The following NAV2 variants were observed in gnomAD, a reference collection of about 807,000 sequenced individuals.
The protein encoded by NAV2 is helicase, APC down-regulated 1.
Under a neutral mutation model 223.2 loss-of-function variants are expected in NAV2, and 54 were observed. That is an observed-to-expected ratio of 0.24 (90% CI 0.19 to 0.30). NAV2 has a LOEUF of 0.30. Ranked by LOEUF, NAV2 falls within the 10% of genes least tolerant of loss-of-function variation. The pLI is 1.00. For synonymous variants in NAV2, 1,279 were observed against 1,239.3 expected (o/e 1.03, Z -0.67); for missense variants, 2,806 against 3,147.5 (o/e 0.89, Z 2.60).
In NAV2 at chr11:19,981,725, G is replaced by T. The variant is rs571635503; in HGVS notation, c.2646-2400G>T. ...GCCTCTGGCAAAGTTATGGCATTTTGGTGTAGGTGTTTTTTCCTCCTTGTG... is the reference window on the plus strand; with the variant it reads ...GCCTCTGGCAAAGTTATGGCATTTTTGTGTAGGTGTTTTTTCCTCCTTGTG... On this transcript the variant is annotated intron_variant, in intron 10 of 37. Transcript: ENST00000349880. Among the ~76,000 whole-genome samples the T allele has an allele frequency of 8.1e-4, 124 of 152,260 alleles. 1 individual carries two copies. Among genetic ancestry groups the T allele is most frequent in the Admixed American group, 1.0e-3 (16 of 15,274 alleles).
intron 1 of NAV2, among the ~76,000 whole-genome samples, chr11:19,373,463 C>A (rs866500488): frequency 6.6e-6 from 1 of 152,174 alleles, no homozygotes; most frequent in Non-Finnish European, 1.5e-5. Flanking sequence ...TTTGCACCTG[C>A]TTTTCTCTCT....
chr11:19,777,912 A>G, intron 1 of NAV2: 1 of 455,596 alleles, frequency 2.2e-6, no homozygotes, highest in Non-Finnish European at 4.4e-6. Context: ...GTGTCTTGAT[A>G]CTTTGGGGTG....
chr11:19,974,700 G>A (rs559240364), intron 10 of NAV2, among the ~76,000 whole-genome samples: 1 of 152,168 alleles, frequency 6.6e-6, no homozygotes, highest in African/African-American at 2.4e-5. Flanking sequence ...GATCCCTTGA[G>A]CCCAGGAGTT....
chr11:19,467,166 T>C (rs189714882), intron 1 of NAV2, among the ~76,000 whole-genome samples: 1 of 152,222 alleles, frequency 6.6e-6, no homozygotes, highest in Non-Finnish European at 1.5e-5. Context: ...CTTTCCCCTA[T>C]GATGTTACAT....
chr11:19,946,383 T>A lies in NAV2; in HGVS notation c.2147-18T>A. The A allele has an allele frequency of 6.2e-7, 1 of 1,607,826 alleles. No individual in the cohort carries two copies. The highest frequency in any genetic ancestry group is 8.5e-7 in the Non-Finnish European group (1 of 1,177,280). On this transcript the variant is annotated intron_variant, in intron 8 of 37. Coordinates refer to ENST00000349880, the MANE Select transcript of NAV2 (RefSeq NM_145117.5). ...GTTGGTCAGAGAATTAAACTAGTCTTAACCCTCATCTTTCTAGGGGAAGAT... is the reference window on the plus strand; with the variant it reads ...GTTGGTCAGAGAATTAAACTAGTCTAAACCCTCATCTTTCTAGGGGAAGAT...
intron 1 of NAV2, among the ~76,000 whole-genome samples, chr11:19,567,251 G>C (rs973901609): frequency 1.3e-5 from 2 of 152,150 alleles, no homozygotes; most frequent in East Asian, 3.9e-4. Context: ...AGAAAGAAAG[G>C]CTGGCCAGTG....
At chr11:19,363,916 C>T (rs903502962) in intron 1 of NAV2, among the ~76,000 whole-genome samples, 1 of 152,216 alleles carries the variant, frequency 6.6e-6, no homozygotes, top group Non-Finnish European at 1.5e-5. Flanking sequence ...GGGCATTGAG[C>T]TTCCAGGCCT....
chr11:19,772,561 G>A (rs907912846), intron 1 of NAV2, among the ~76,000 whole-genome samples: 8 of 152,176 alleles, frequency 5.3e-5, no homozygotes, highest in Non-Finnish European at 7.3e-5. Flanking sequence ...GCTCTTCTGT[G>A]GTATTTTTAT....
chr11:19,725,501 C>T lies in NAV2; in HGVS notation c.267+11539C>T, dbSNP rs551417617. Among the ~76,000 whole-genome samples the T allele has an allele frequency of 1.7e-3, 262 of 152,286 alleles. No homozygotes were observed. The Middle Eastern group carries it at 0.024, about 14-fold the overall frequency. ...GGGGCCTTGGTCTTTCAAAAGTATT[C>T]CCTCTCTAATGGAGAAGGACACGAT... On this transcript the variant is annotated intron_variant, in intron 1 of 37. Transcript: ENST00000349880.
At position 19,393,128 on chromosome 11, in the gene NAV2, C is replaced by T. The variant is rs192570915; in HGVS notation, c.75+42101C>T. On this transcript the variant is annotated intron_variant, in intron 1 of 37. Transcript: ENST00000360655. ...CCCCTGCAGCCTAAAGTCATACTTC[C>T]CCCTTTCCCAGACTGTCCATCCCTC... Among the ~76,000 whole-genome samples, 4 of 152,306 alleles carry T rather than the reference C, an allele frequency of 2.6e-5. No homozygotes were observed. In the East Asian group the frequency reaches 5.8e-4, roughly 22 times the overall value.
intron 10 of NAV2, among the ~76,000 whole-genome samples, chr11:19,967,237 C>T (rs1040223895): frequency 6.6e-6 from 1 of 152,066 alleles, no homozygotes; most frequent in Non-Finnish European, 1.5e-5. Context: ...GCTCTGTAGA[C>T]CCAAGGATTT....
rs529766385 is a variant in NAV2, at chr11:19,654,197, C to T, written c.76-178287C>T. Among the ~76,000 whole-genome samples the T allele has an allele frequency of 4.7e-3, 709 of 152,142 alleles. 6 individuals carry two copies. Among genetic ancestry groups the T allele is most frequent in the African/African-American group, 0.017 (686 of 41,510 alleles). On this transcript the variant is annotated intron_variant, in intron 1 of 37. Transcript: ENST00000360655. ...TCCAACTTACAAGGGATGTGAAGGA[C>T]CTCTTCAAGGAGAACTACAAACCAC...
chr11:19,525,105 A>G (rs1262379736), intron 1 of NAV2, among the ~76,000 whole-genome samples: 1 of 152,206 alleles, frequency 6.6e-6, no homozygotes, highest in African/African-American at 2.4e-5. Flanking sequence ...TTCAAGCTAA[A>G]GTGCAGTGTG....
chr11:19,539,083 C>T (rs1006139539), intron 1 of NAV2, among the ~76,000 whole-genome samples: 2 of 152,150 alleles, frequency 1.3e-5, no homozygotes, highest in South Asian at 2.1e-4. Context: ...TCTCCCCTTC[C>T]CCTGAACTGT....
chr11:19,884,418 T>C (rs1051762492), intron 5 of NAV2: 2 of 1,465,498 alleles, frequency 1.4e-6, no homozygotes, highest in South Asian at 2.3e-5. Flanking sequence ...CACTGTTCCA[T>C]TGTTCCCTCT....
rs77128223 is a variant in NAV2 at position 19,604,710 on chromosome 11, G to A, written c.76-227774G>A. Among the ~76,000 whole-genome samples, 1,465 of 152,218 alleles carry A rather than the reference G, an allele frequency of 9.6e-3. 20 individuals carry two copies. Among genetic ancestry groups the A allele is most frequent in the South Asian group, 0.037 (179 of 4,814 alleles). On this transcript the variant is annotated intron_variant, in intron 1 of 37. Transcript: ENST00000360655. ...TAAGGCACTGAAGTTGGTTGATATG[G>A]TTTGGCTATGTCCCCATCCAAATCT...
At chr11:19,671,659 T>C (rs915575941) in intron 1 of NAV2, among the ~76,000 whole-genome samples, 3 of 152,234 alleles carry the variant, frequency 2.0e-5, no homozygotes, top group Non-Finnish European at 2.9e-5. Context: ...ATTGTTTCCA[T>C]AAAGGGCAAG....
chr11:19,393,896 T>G (rs1055717065), intron 1 of NAV2, among the ~76,000 whole-genome samples: 5 of 3,520 alleles, frequency 1.4e-3, no homozygotes, highest in Non-Finnish European at 7.0e-3. Flanking sequence ...AACTTAAGGG[T>G]TTTTTTTTTC....
chr11:19,819,731 C>A (rs1227635783), intron 1 of NAV2, among the ~76,000 whole-genome samples: 3 of 152,156 alleles, frequency 2.0e-5, no homozygotes, highest in Non-Finnish European at 4.4e-5. Flanking sequence ...ACACTGAGTC[C>A]CCACAATAGA....
Sources: allele counts gnomAD v4.1 joint callset (sites outside exome capture counted in the v4.1 genomes callset), GRCh38; gene constraint gnomAD v4.1.1; transcripts MANE v1.5; gene names NCBI Gene and HGNC (gene_info 2026-07-23, HGNC 2026-07-21).